LRP5: variants seen among roughly 807,000 people sequenced by gnomAD.
The protein encoded by LRP5 is LDL receptor related protein 5.
A neutral mutation model predicts 154.1 loss-of-function variants in LRP5; 62 were observed. The ratio of observed to expected loss-of-function variants is 0.40; its 90% CI spans 0.33 to 0.50. LRP5 has a LOEUF of 0.50. LRP5 is among the 20% of genes least tolerant of loss of function. The probability of loss-of-function intolerance (pLI) is 0.55; values close to 1 mark genes in which losing one functional copy is unlikely to be tolerated. For missense variants in LRP5, 1,915 were observed against 2,336.7 expected, an observed-to-expected ratio of 0.82 and a Z score of 3.72; for synonymous variants, 966 against 1,011.5, an observed-to-expected ratio of 0.96 and a Z score of 0.85.
At chr11:68,407,747 T>G (rs1358735944) in intron 9 of LRP5, among the ~76,000 whole-genome samples, 1 of 151,990 alleles carries the variant, frequency 6.6e-6, no homozygotes, top group Non-Finnish European at 1.5e-5. Flanking sequence ...CTCAGGAGGC[T>G]GAAGCAGGAG....
Position 68,449,053 on chromosome 11 carries a change from T to C in LRP5, c.4831T>C (p.Cys1611Arg). ...FHLFPPPPSP[C>R]TDSS ...TCTCTTCCCGCCCCCTCCGTCCCCC[T>C]GCACGGACTCATCCTGACCTCGGCC... Residue 1611 changes from cysteine to arginine, a missense_variant, in exon 23 of 23, where the codon TGC (cysteine) becomes CGC (arginine). Physicochemically the swap from Cys to Arg is radical, Grantham distance 180. Around this residue, in one of 3 missense-constraint regions of LRP5, gnomAD observed 1,094 missense variants for 1,210.1 expected, o/e 0.90. Coordinates refer to ENST00000294304, the MANE Select transcript of LRP5 (RefSeq NM_002335.4). 6.4e-7 allele frequency: 1 copy of C among 1,568,006 alleles called. No individual in the cohort carries two copies. The highest frequency in any genetic ancestry group is 8.6e-7 in the Non-Finnish European group (1 of 1,159,238).
rs1002928123 is a variant in LRP5, at chr11:68,432,089, G to A, written c.3764-1513G>A. On this transcript the variant is annotated intron_variant, in intron 17 of 22. Coordinates refer to ENST00000294304, the MANE Select transcript of LRP5 (RefSeq NM_002335.4). ...AGGCGGCCACAGTCACCTCAGCAGTGCCATCACCACCGCCATTCAGCCCTT... is the reference window on the plus strand; with the variant it reads ...AGGCGGCCACAGTCACCTCAGCAGTACCATCACCACCGCCATTCAGCCCTT... 6.6e-5 allele frequency among the ~76,000 whole-genome samples: 10 copies of A among 152,184 alleles called. No homozygotes were observed. In the South Asian group the frequency reaches 1.9e-3, roughly 28 times the overall value.
intron 7 of LRP5, among the ~76,000 whole-genome samples, chr11:68,402,142 G>A (rs2098652930): frequency 6.6e-6 from 1 of 152,198 alleles, no homozygotes; most frequent in South Asian, 2.1e-4. Flanking sequence ...CTGGTAGCAG[G>A]AGGCCTGTGG....
At chr11:68,395,727 G>A (rs555736703) in intron 7 of LRP5, among the ~76,000 whole-genome samples, 43 of 152,150 alleles carry the variant, frequency 2.8e-4, no homozygotes, top group African/African-American at 9.9e-4. Flanking sequence ...CCACCTGCAC[G>A]TCCAGAGCTG....
chr11:68,446,300 C>T (rs2098681380), intron 21 of LRP5, 136 bp from the exon 22 acceptor site: 1 of 711,518 alleles, frequency 1.4e-6, no homozygotes. Context: ...GTTTTGCCAA[C>T]TGGCCAGAGG....
chr11:68,373,829 C>A (rs2098635792), intron 5 of LRP5, among the ~76,000 whole-genome samples: 1 of 152,244 alleles, frequency 6.6e-6, no homozygotes, highest in African/African-American at 2.4e-5. Flanking sequence ...CCCTCCAGCC[C>A]CATCCTCTGT....
chr11:68,327,652 T>C (rs572334479), intron 1 of LRP5, among the ~76,000 whole-genome samples: 1 of 152,242 alleles, frequency 6.6e-6, no homozygotes, highest in Non-Finnish European at 1.5e-5. Context: ...CCACCTCCTA[T>C]GAGGACTGAG....
chr11:68,390,958 GT>G (rs1393505890), intron 7 of LRP5, among the ~76,000 whole-genome samples: 4 of 152,214 alleles, frequency 2.6e-5, no homozygotes, highest in African/African-American at 9.7e-5. Context: ...TTTGTTGTTT[GT>G]TTTTGTTTGA....
intron 16 of LRP5, among the ~76,000 whole-genome samples, chr11:68,427,966 TTTTATTTTTTTTATTTATTTA>T (rs1291852180): frequency 2.5e-5 from 2 of 79,036 alleles, no homozygotes; most frequent in African/African-American, 3.7e-5. Flanking sequence ...TTTTATTTTA[TTTTATTTTTTTTATTTATTTA>T]TTTATTTATT....
At chr11:68,418,182 G>A (rs1370165065) in intron 13 of LRP5, among the ~76,000 whole-genome samples, 3 of 151,490 alleles carry the variant, frequency 2.0e-5, no homozygotes, top group Non-Finnish European at 2.9e-5. Flanking sequence ...CGAAGTGGGT[G>A]GATCACGAGG....
intron 8 of LRP5, among the ~76,000 whole-genome samples, chr11:68,404,996 C>CAA (rs1290725005): frequency 1.7e-5 from 2 of 119,588 alleles, no homozygotes; most frequent in Non-Finnish European, 1.8e-5. Flanking sequence ...AAAAAAAGTC[C>CAA]AAAAAAAAAA....
At chr11:68,426,302 A>G in intron 16 of LRP5, 115 bp downstream of exon 16, 2 of 857,420 alleles carry the variant, frequency 2.3e-6, no homozygotes, top group East Asian at 5.3e-5. Flanking sequence ...GGTCTCTGCC[A>G]GATGCCAACT....
intron 5 of LRP5, among the ~76,000 whole-genome samples, chr11:68,371,829 C>A (rs1332252902): frequency 1.3e-5 from 2 of 152,258 alleles, no homozygotes; most frequent in East Asian, 1.9e-4. Context: ...GATGTCAGAG[C>A]TGGCCAGAAG....
At chr11:68,335,586 A>G (rs1455492051) in intron 1 of LRP5, among the ~76,000 whole-genome samples, 1 of 152,034 alleles carries the variant, frequency 6.6e-6, no homozygotes, top group East Asian at 2.0e-4. Context: ...TATTTACTGT[A>G]TATTGTTGAT....
chr11:68,348,291 A>C, intron 2 of LRP5, 48 bp downstream of exon 2: 1 of 1,597,324 alleles, frequency 6.3e-7, no homozygotes, highest in Non-Finnish European at 8.5e-7. Flanking sequence ...GGGGAGTGTC[A>C]CCATCTCTCT....
chr11:68,306,898 T>C, the LRP5 span, among the ~76,000 whole-genome samples: 1 of 152,078 alleles, frequency 6.6e-6, no homozygotes, highest in African/African-American at 2.4e-5. Flanking sequence ...AAGTGGAGGG[T>C]GACAGCCGAG....
intron 5 of LRP5, among the ~76,000 whole-genome samples, chr11:68,368,064 CA>C (rs35969123): frequency 0.3 from 27,975 of 94,584 alleles, 2,830 homozygotes; most frequent in Non-Finnish European, 0.4. Flanking sequence ...GACCCTGTCT[CA>C]AAAAAAAAAA....
intron 13 of LRP5, among the ~76,000 whole-genome samples, chr11:68,416,905 T>A (rs1034225962): frequency 2.0e-5 from 3 of 152,162 alleles, no homozygotes; most frequent in African/African-American, 7.2e-5. Context: ...CTGTATATGC[T>A]CTTCTGAAAG....
the LRP5 span, among the ~76,000 whole-genome samples, chr11:68,300,123 C>T: frequency 1.3e-5 from 2 of 148,982 alleles, no homozygotes; most frequent in East Asian, 1.9e-4. Flanking sequence ...CCTCATGATC[C>T]GCCCACCTTG....
Sources: allele counts gnomAD v4.1 joint callset (sites outside exome capture counted in the v4.1 genomes callset), GRCh38; gene constraint gnomAD v4.1.1; regional missense constraint gnomAD v4.1.1; transcripts MANE v1.5; gene names NCBI Gene and HGNC (gene_info 2026-07-23, HGNC 2026-07-21).